The following HMGB1 variants were observed in gnomAD, a reference collection of about 807,000 sequenced individuals.
The protein encoded by HMGB1 is high mobility group box 1.
For synonymous variants in HMGB1, 81 were observed against 84.0 expected (o/e 0.96, Z 0.19); for missense variants, 79 against 253.5 (o/e 0.31, Z 4.67).
At chr13:30,554,075 G>C (rs1282084135) in intron 1 of HMGB1, 4 of 1,343,620 alleles carry the variant, frequency 3.0e-6, no homozygotes, top group African/African-American at 2.9e-5. Flanking sequence ...AAAAGATGCT[G>C]TTTAAAGAAA....
In HMGB1 at chr13:30,459,792, A is replaced by C. The variant is rs546754681; in HGVS notation, c.*1565T>G. The C allele has an allele frequency of 6.6e-6, 1 of 152,454 alleles. No homozygotes were observed. Among genetic ancestry groups the C allele is most frequent in the East Asian group, 1.9e-4 (1 of 5,190 alleles). The allele number at this position is 152,454 out of a possible 1,614,324, so 9.4% of individuals were successfully genotyped here. A position where few individuals can be genotyped will look rare whatever the true frequency, so the allele number is the denominator to read the frequency against. Reference sequence around the variant, plus strand: ...CTGCTAAGAGGTATTATTAGAAACAAGATTTAAAAATATGTAACAAAATCT... The same window carrying C: ...CTGCTAAGAGGTATTATTAGAAACACGATTTAAAAATATGTAACAAAATCT... On this transcript the variant is annotated 3_prime_UTR_variant, in exon 5 of 5. Coordinates refer to ENST00000341423, the MANE Select transcript of HMGB1 (RefSeq NM_002128.7).
chr13:30,608,672 G>A (rs1950483808), intron 1 of HMGB1, among the ~76,000 whole-genome samples: 1 of 152,206 alleles, frequency 6.6e-6, no homozygotes, highest in Non-Finnish European at 1.5e-5. Context: ...CACAGTAAAT[G>A]TAGTGGGACA....
chr13:30,531,508 A>ATG (rs1348240878), intron 1 of HMGB1, among the ~76,000 whole-genome samples: 2 of 100,100 alleles, frequency 2.0e-5, no homozygotes, highest in Admixed American at 1.1e-4. Flanking sequence ...GGTAACATAT[A>ATG]CGTGTGTGTG....
chr13:30,613,368 G>A (rs970943118), intron 1 of HMGB1, among the ~76,000 whole-genome samples: 2 of 152,058 alleles, frequency 1.3e-5, no homozygotes, highest in African/African-American at 2.4e-5. Flanking sequence ...TCTAGAAGTT[G>A]CATGCTACAT....
chr13:30,464,396 C>A lies in HMGB1; in HGVS notation c.-14-702G>T, dbSNP rs1041158417. On this transcript the variant is annotated intron_variant, in intron 1 of 4. Coordinates refer to ENST00000341423, the MANE Select transcript of HMGB1 (RefSeq NM_002128.7). ...GGACAAAAGCCACTCCTGCTCGTGG[C>A]TCGGTGGCCCCCTCCCCCAACTCGG... 1.5e-5 allele frequency: 15 copies of A among 985,496 alleles called. No homozygotes were observed. In the Middle Eastern group the frequency reaches 1.6e-3, roughly 103 times the overall value. 61.0% of individuals were successfully genotyped at this position (985,496 alleles called of 1,614,324 possible).
At chr13:30,592,875 A>ATTTTTT (rs1408660104) in intron 1 of HMGB1, among the ~76,000 whole-genome samples, 15 of 151,698 alleles carry the variant, frequency 9.9e-5, no homozygotes, top group African/African-American at 3.4e-4. Flanking sequence ...TTTTTTTAAA[A>ATTTTTT]AAAAAAAAAA....
At chr13:30,465,009 G>GCGCCCCGC (rs1417608290) in intron 1 of HMGB1, 2 of 161,548 alleles carry the variant, frequency 1.2e-5, no homozygotes, top group African/African-American at 3.0e-5. Context: ...CGCGGGCCGC[G>GCGCCCCGC]CGCCCCGCCG....
At chr13:30,520,054 G>C (rs946835873) in intron 1 of HMGB1, among the ~76,000 whole-genome samples, 1 of 152,226 alleles carries the variant, frequency 6.6e-6, no homozygotes, top group South Asian at 2.1e-4. Context: ...AGGCACAGTG[G>C]CTCATGCCCA....
intron 1 of HMGB1, among the ~76,000 whole-genome samples, chr13:30,595,707 C>T (rs2137557982): frequency 6.6e-6 from 1 of 152,268 alleles, no homozygotes; most frequent in East Asian, 1.9e-4. Context: ...GCTGCACGAT[C>T]CAATTGCAAG....
chr13:30,610,275 C>T (rs2137574022), intron 1 of HMGB1, among the ~76,000 whole-genome samples: 1 of 152,300 alleles, frequency 6.6e-6, no homozygotes, highest in East Asian at 1.9e-4. Context: ...TCCCTAACCC[C>T]TGTGTTGCTC....
In HMGB1 at chr13:30,457,078, AAT is replaced by A. The variant is rs1886021969; in HGVS notation, c.*4277_*4278del. The A allele has an allele frequency of 6.6e-6, 1 of 152,340 alleles. No individual in the cohort carries two copies. The highest frequency in any genetic ancestry group is 2.1e-4 in the South Asian group (1 of 4,830). The allele number at this position is 152,340 out of a possible 1,614,324, so 9.4% of individuals were successfully genotyped here. On this transcript the variant is annotated 3_prime_UTR_variant, in exon 5 of 5. Transcript: ENST00000341423. The stretch of plus-strand genomic sequence containing the variant: ...AATTATGTGACTAAAGAGAACAATG[AAT>A]ATGAGTACATAATTTACAAGGATCT...
rs191994356 is a variant in HMGB1, at chr13:30,519,491, C to A, written c.-14-55797G>T. Among the ~76,000 whole-genome samples the A allele has an allele frequency of 9.4e-3, 1,409 of 149,928 alleles. 12 individuals carry two copies. The highest frequency in any genetic ancestry group is 0.014 in the Non-Finnish European group (954 of 67,630). On this transcript the variant is annotated intron_variant, in intron 1 of 4. Transcript: ENST00000405805. ...TGGGCGGATCACGAGGTCAGGAGAT[C>A]GAGACCATCCCGGCTAACACAGTGA...
At chr13:30,525,820 C>T (rs1888350855) in intron 1 of HMGB1, among the ~76,000 whole-genome samples, 1 of 149,056 alleles carries the variant, frequency 6.7e-6, no homozygotes, top group African/African-American at 2.5e-5. Flanking sequence ...TGGTCTCTCC[C>T]TTGACAGGTG....
chr13:30,564,798 C>T (rs1870120583), intron 1 of HMGB1, among the ~76,000 whole-genome samples: 1 of 152,178 alleles, frequency 6.6e-6, no homozygotes, highest in African/African-American at 2.4e-5. Flanking sequence ...AGTACAGAAA[C>T]TGGAGGCAGA....
At chr13:30,464,515 A>G (rs1886588901) in intron 1 of HMGB1, 1 of 977,814 alleles carries the variant, frequency 1.0e-6, no homozygotes. Flanking sequence ...GCGGCCGAGG[A>G]GAGAGGACGC....
At chr13:30,555,353 T>C (rs1869642384) in intron 1 of HMGB1, among the ~76,000 whole-genome samples, 1 of 152,198 alleles carries the variant, frequency 6.6e-6, no homozygotes, top group Admixed American at 6.5e-5. Flanking sequence ...TAAGTGTTTT[T>C]AATGGGTGTA....
In HMGB1 at chr13:30,588,880, G is replaced by A. The variant is rs138935808; in HGVS notation, c.-15+27791C>T. On this transcript the variant is annotated intron_variant, in intron 1 of 4. Transcript: ENST00000405805. ...TGCAGTGAGCCGACATCGCGCCACT[G>A]CACTCCAGCCTGGGTGACAGAGCAA... Among the ~76,000 whole-genome samples, 534 of 152,004 alleles carry A rather than the reference G, an allele frequency of 3.5e-3. 1 individual carries two copies. The highest frequency in any genetic ancestry group is 0.011 in the African/African-American group (458 of 41,476).
intron 1 of HMGB1, among the ~76,000 whole-genome samples, chr13:30,569,365 CAA>C (rs1036383020): frequency 6.6e-6 from 1 of 152,054 alleles, no homozygotes; most frequent in African/African-American, 2.4e-5. Flanking sequence ...TATATCCTGT[CAA>C]AAAAGTGAAT....
intron 1 of HMGB1, among the ~76,000 whole-genome samples, chr13:30,602,551 C>T (rs551609260): frequency 4.6e-5 from 7 of 152,176 alleles, no homozygotes; most frequent in African/African-American, 1.7e-4. Flanking sequence ...TCATTTTTTC[C>T]TCCAAAAACT....
Sources: gnomAD v4.1 joint callset for allele counts (sites outside exome capture counted in the v4.1 genomes callset) on GRCh38, gnomAD v4.1.1 for gene constraint, MANE v1.5 for transcripts, NCBI Gene and HGNC (gene_info 2026-07-23, HGNC 2026-07-21) for gene names.